Variants in GABRP observed in about 807,000 individuals in gnomAD.
The protein encoded by GABRP is gamma-aminobutyric acid type A receptor subunit pi, also known as gamma-aminobutyric acid receptor subunit pi.
In GABRP, 52 loss-of-function variants were observed where a neutral mutation model predicts 47.8. That is an observed-to-expected ratio of 1.09 (90% CI 0.87 to 1.37). The LOEUF (loss-of-function observed/expected upper bound fraction) is 1.37, where lower values mean the gene tolerates loss of function less well. Ranked by LOEUF, GABRP falls within the 40% of genes most tolerant of loss-of-function variation. The probability of loss-of-function intolerance (pLI) is 0.00; values close to 1 mark genes in which losing one functional copy is unlikely to be tolerated. For missense variants in GABRP, 525 were observed against 542.8 expected, an observed-to-expected ratio of 0.97 and a Z score of 0.33; for synonymous variants, 221 against 205.8, an observed-to-expected ratio of 1.07 and a Z score of -0.63.
In GABRP at chr5:170,812,041, C is replaced by T; in HGVS notation, c.1106C>T (p.Ala369Val). ...AGCTTTAAACGGAAGATCAGCTTTG[C>T]CAGCATTGAAATTTCCAGCGACAAC... Reference protein sequence around the residue: ...ISSFKRKISFASIEISSDNVD... With the variant: ...ISSFKRKISFVSIEISSDNVD... The change falls in exon 10 of 10, where the codon GCC becomes GTC. Residue 369 changes from alanine (A) to valine (V), a missense_variant. Ala to Val is a moderately conservative substitution (Grantham distance 64, BLOSUM62 0). Transcript: ENST00000265294. The T allele has an allele frequency of 6.2e-7, 1 of 1,614,138 alleles. No homozygotes were observed. The highest frequency in any genetic ancestry group is 1.1e-5 in the South Asian group (1 of 91,086).
At chr5:170,788,512 C>A in intron 1 of GABRP, 62 bp from the exon 2 acceptor site, 1 of 1,100,724 alleles carries the variant, frequency 9.1e-7, no homozygotes, top group Non-Finnish European at 1.4e-6. Flanking sequence ...GAGAGAGAGG[C>A]TGGCCAGGAG....
intron 1 of GABRP, among the ~76,000 whole-genome samples, chr5:170,786,679 C>G (rs1346700289): frequency 1.3e-5 from 2 of 152,164 alleles, no homozygotes; most frequent in Non-Finnish European, 2.9e-5. Context: ...CCTCTCTAAT[C>G]CTCAGTATTC....
chr5:170,793,411 G>C (rs1205700212), intron 3 of GABRP, among the ~76,000 whole-genome samples: 1 of 152,158 alleles, frequency 6.6e-6, no homozygotes, highest in Non-Finnish European at 1.5e-5. Context: ...CTCTCTCTCT[G>C]AAGTTCAATC....
intron 1 of GABRP, among the ~76,000 whole-genome samples, chr5:170,788,003 G>C (rs1303803258): frequency 6.6e-6 from 1 of 152,184 alleles, no homozygotes; most frequent in Non-Finnish European, 1.5e-5. Context: ...CATTTCTGGT[G>C]CTGATGAACC....
chr5:170,799,429 C>A (rs1266829027), intron 6 of GABRP, among the ~76,000 whole-genome samples: 1 of 152,222 alleles, frequency 6.6e-6, no homozygotes, highest in African/African-American at 2.4e-5. Flanking sequence ...TCTCCACATC[C>A]TCTCCAGCAC....
intron 3 of GABRP, among the ~76,000 whole-genome samples, chr5:170,790,784 C>G (rs1464134618): frequency 6.6e-6 from 1 of 152,148 alleles, no homozygotes; most frequent in Non-Finnish European, 1.5e-5. Flanking sequence ...TTTGATATCC[C>G]CACTGTGTTC....
intron 6 of GABRP, among the ~76,000 whole-genome samples, chr5:170,801,082 T>C (rs1765577559): frequency 1.3e-5 from 2 of 152,226 alleles, no homozygotes; most frequent in African/African-American, 4.8e-5. Flanking sequence ...GTATATTGTT[T>C]TTCCCATCTT....
intron 6 of GABRP, among the ~76,000 whole-genome samples, chr5:170,798,483 T>C (rs1270558049): frequency 1.3e-5 from 2 of 152,214 alleles, no homozygotes; most frequent in Non-Finnish European, 2.9e-5. Context: ...AAAAAACATT[T>C]CGGTGACAAC....
rs375628982 is a variant in GABRP, at chr5:170,797,527, T to C, written c.520T>C (p.Cys174Arg). 11 of 1,610,790 alleles carry C rather than the reference T, an allele frequency of 6.8e-6. No individual in the cohort carries two copies. Among genetic ancestry groups the C allele is most frequent in the Non-Finnish European group, 9.3e-6 (11 of 1,176,956 alleles). Reference sequence around the variant, plus strand: ...TAAATACCCCATGGACACACAGACATGCAAGTTGCAGCTGGAAAGCTGTAA... The same window carrying C: ...TAAATACCCCATGGACACACAGACACGCAAGTTGCAGCTGGAAAGCTGTAA... ...LSKYPMDTQT[C>R]KLQLESWGYD... is the part of the protein sequence containing the mutation. Residue 174 changes from cysteine (C) to arginine (R), a missense_variant, in exon 6 of 10, where the codon TGC becomes CGC. Coordinates refer to ENST00000265294, the MANE Select transcript of GABRP (RefSeq NM_014211.3).
At chr5:170,807,094 G>A (rs564571358) in intron 7 of GABRP, among the ~76,000 whole-genome samples, 1 of 152,084 alleles carries the variant, frequency 6.6e-6, no homozygotes, top group East Asian at 1.9e-4. Flanking sequence ...GACTATAGGT[G>A]TGTGCCATCA....
At chr5:170,809,511 C>T in intron 8 of GABRP, 57 bp from the exon 9 acceptor site, 2 of 1,551,782 alleles carry the variant, frequency 1.3e-6, no homozygotes, top group South Asian at 2.2e-5. Context: ...CTCTGCCAGG[C>T]TATGGTGGAG....
chr5:170,805,434 AGGG>A (rs1331806110), intron 6 of GABRP, among the ~76,000 whole-genome samples: 1 of 152,226 alleles, frequency 6.6e-6, no homozygotes, highest in Non-Finnish European at 1.5e-5. Context: ...TTAAATAATG[AGGG>A]AGGCCACTTC....
At chr5:170,797,609 T>C in intron 6 of GABRP, 61 bp downstream of exon 6, 1 of 985,970 alleles carries the variant, frequency 1.0e-6, no homozygotes, top group Non-Finnish European at 1.6e-6. Context: ...GTGTGTGTAT[T>C]CATGAAAAGT....
chr5:170,784,368 G>T (rs1765076361), intron 1 of GABRP, among the ~76,000 whole-genome samples: 1 of 152,200 alleles, frequency 6.6e-6, no homozygotes, highest in Non-Finnish European at 1.5e-5. Flanking sequence ...GTAGAAACTT[G>T]CACATATTGG....
chr5:170,799,158 A>C (rs1437783886), intron 6 of GABRP, among the ~76,000 whole-genome samples: 5 of 151,952 alleles, frequency 3.3e-5, no homozygotes, highest in Non-Finnish European at 7.4e-5. Context: ...TATGTGCCAC[A>C]TTTTCTTAAT....
chr5:170,784,899 G>T (rs1037028483), intron 1 of GABRP, among the ~76,000 whole-genome samples: 1 of 152,282 alleles, frequency 6.6e-6, no homozygotes, highest in Admixed American at 6.5e-5. Flanking sequence ...CTACTCAGGA[G>T]CCTCCTAGGG....
At chr5:170,787,733 C>T (rs1287737308) in intron 1 of GABRP, among the ~76,000 whole-genome samples, 1 of 152,202 alleles carries the variant, frequency 6.6e-6, no homozygotes, top group Non-Finnish European at 1.5e-5. Context: ...GCCCACCACA[C>T]AAGGCCACTG....
At chr5:170,804,453 C>T (rs1159683452) in intron 6 of GABRP, among the ~76,000 whole-genome samples, 3 of 152,086 alleles carry the variant, frequency 2.0e-5, no homozygotes, top group Admixed American at 2.0e-4. Context: ...TACTGTTTCC[C>T]AAAGTGGTTG....
intron 6 of GABRP, among the ~76,000 whole-genome samples, chr5:170,803,797 A>T (rs1387595150): frequency 6.8e-6 from 1 of 146,494 alleles, no homozygotes; most frequent in Non-Finnish European, 1.5e-5. Context: ...TGGTTTTGAG[A>T]CAGAGTTTTG....
Sources: gnomAD v4.1 joint callset for allele counts (sites outside exome capture counted in the v4.1 genomes callset) on GRCh38, gnomAD v4.1.1 for gene constraint, MANE v1.5 for transcripts, NCBI Gene and HGNC (gene_info 2026-07-23, HGNC 2026-07-21) for gene names.